The following FNDC3B variants were observed in gnomAD, a reference collection of about 807,000 sequenced individuals.
FNDC3B encodes fibronectin type III domain containing 3B.
A neutral mutation model predicts 151.5 loss-of-function variants in FNDC3B; 12 were observed. The observed-to-expected ratio is 0.08, with a 90% CI of 0.05 to 0.13. The LOEUF (loss-of-function observed/expected upper bound fraction) is 0.13, where lower values mean the gene tolerates loss of function less well. Among genes scored for constraint, FNDC3B ranks in the 10% least tolerant of loss-of-function variants. The probability of loss-of-function intolerance (pLI) is 1.00; values close to 1 mark genes in which losing one functional copy is unlikely to be tolerated. For missense variants in FNDC3B, 1,214 were observed against 1,505.3 expected, an observed-to-expected ratio of 0.81 and a Z score of 3.20; for synonymous variants, 528 against 549.0, an observed-to-expected ratio of 0.96 and a Z score of 0.54.
intron 2 of FNDC3B, among the ~76,000 whole-genome samples, chr3:172,131,629 T>C (rs9864938): frequency 0.57 from 87,086 of 152,000 alleles, 26,972 homozygotes; most frequent in East Asian, 0.78. Flanking sequence ...CCCTGAATGA[T>C]CCTGTTTTTT....
intron 1 of FNDC3B, among the ~76,000 whole-genome samples, chr3:172,048,944 C>T (rs916429910): frequency 3.9e-5 from 6 of 151,904 alleles, no homozygotes; most frequent in Non-Finnish European, 8.8e-5. Context: ...ATAGAGATTA[C>T]CAGGGCTTGG....
intron 22 of FNDC3B, 107 bp downstream of exon 22, chr3:172,353,190 A>C: frequency 9.2e-7 from 1 of 1,081,358 alleles, no homozygotes. Flanking sequence ...AGCTGTTTCT[A>C]AGAGCCCAGA....
chr3:172,230,883 T>C (rs1203849718), intron 4 of FNDC3B, among the ~76,000 whole-genome samples: 2 of 152,338 alleles, frequency 1.3e-5, no homozygotes, highest in East Asian at 3.9e-4. Context: ...ACATCTGCTT[T>C]GGAAAACAAT....
chr3:172,217,986 A>G (rs1157448389), intron 3 of FNDC3B, among the ~76,000 whole-genome samples: 1 of 152,118 alleles, frequency 6.6e-6, no homozygotes. Context: ...CTTGGTAGTG[A>G]TATACGTTAA....
intron 16 of FNDC3B, among the ~76,000 whole-genome samples, chr3:172,338,720 G>GGTTTTGTTTT (rs548549672): frequency 6.6e-6 from 1 of 152,020 alleles, no homozygotes; most frequent in Non-Finnish European, 1.5e-5. Context: ...TAACTATTAA[G>GGTTTTGTTTT]GTTTTGTTTT....
intron 16 of FNDC3B, among the ~76,000 whole-genome samples, chr3:172,340,836 G>A (rs1319601050): frequency 6.6e-6 from 1 of 152,054 alleles, no homozygotes; most frequent in East Asian, 1.9e-4. Context: ...CCATGCCAGC[G>A]GCACGTTTCA....
At chr3:172,329,965 A>G (rs1241663412) in intron 12 of FNDC3B, 1 of 152,234 alleles carries the variant, frequency 6.6e-6, no homozygotes, top group Non-Finnish European at 1.5e-5. Context: ...TTTGTTGCTC[A>G]CATTGATTTG....
At chr3:172,304,715 G>A (rs1159213728) in intron 9 of FNDC3B, among the ~76,000 whole-genome samples, 2 of 152,082 alleles carry the variant, frequency 1.3e-5, no homozygotes, top group African/African-American at 4.8e-5. Context: ...TGGCCAACGT[G>A]GTGAAACCCC....
intron 3 of FNDC3B, among the ~76,000 whole-genome samples, chr3:172,153,294 A>G (rs1722324087): frequency 6.6e-6 from 1 of 152,198 alleles, no homozygotes; most frequent in Non-Finnish European, 1.5e-5. Flanking sequence ...AGTCTCAAAG[A>G]TAGTATTCTG....
At chr3:172,351,347 C>CCACT (rs1733841353) in intron 21 of FNDC3B, among the ~76,000 whole-genome samples, 1 of 152,100 alleles carries the variant, frequency 6.6e-6, no homozygotes, top group Non-Finnish European at 1.5e-5. Context: ...AGTGCAAAGG[C>CCACT]CATGAGGAGG....
chr3:172,397,590 G>T lies in FNDC3B; in HGVS notation c.*115G>T. The T allele has an allele frequency of 1.8e-6, 1 of 545,500 alleles. No individual in the cohort carries two copies. The highest frequency in any genetic ancestry group is 2.9e-6 in the Non-Finnish European group (1 of 347,268). 33.8% of individuals were successfully genotyped at this position (545,500 alleles called of 1,614,324 possible). On this transcript the variant is annotated 3_prime_UTR_variant, in exon 26 of 26. Coordinates refer to ENST00000415807, the MANE Select transcript of FNDC3B (RefSeq NM_022763.4). ...TTTGATTTATATACTCTGTTTTACA[G>T]ATTTAGCTAGAAAAAAAATGTCAGT...
intron 2 of FNDC3B, 70 bp downstream of exon 2, chr3:172,112,660 A>G (rs1293181728): frequency 3.7e-6 from 4 of 1,075,654 alleles, no homozygotes; most frequent in Non-Finnish European, 4.3e-6. Context: ...TATTTGATTT[A>G]TTTTGGGATT....
chr3:172,374,170 G>A (rs1735011735), intron 23 of FNDC3B, among the ~76,000 whole-genome samples: 3 of 152,172 alleles, frequency 2.0e-5, no homozygotes, highest in African/African-American at 7.2e-5. Flanking sequence ...CACAGCTCAT[G>A]TCTGAGGCCA....
intron 3 of FNDC3B, chr3:172,184,393 A>AG (rs1724070075): frequency 6.6e-6 from 1 of 152,238 alleles, no homozygotes; most frequent in Non-Finnish European, 1.5e-5. Flanking sequence ...GGTAAGAGAG[A>AG]GGGAGGGTAT....
intron 3 of FNDC3B, among the ~76,000 whole-genome samples, chr3:172,146,427 G>C (rs1721909656): frequency 6.6e-6 from 1 of 152,228 alleles, no homozygotes; most frequent in Non-Finnish European, 1.5e-5. Flanking sequence ...ATGTAGGCTA[G>C]TTGTAGGGAA....
At chr3:172,313,325 T>A (rs1468533092) in intron 11 of FNDC3B, among the ~76,000 whole-genome samples, 5 of 152,192 alleles carry the variant, frequency 3.3e-5, no homozygotes, top group African/African-American at 4.8e-5. Context: ...TTAGGAAATA[T>A]GGGTTCTGTT....
intron 1 of FNDC3B, among the ~76,000 whole-genome samples, chr3:172,066,228 T>C (rs993965159): frequency 6.6e-6 from 1 of 152,168 alleles, no homozygotes; most frequent in African/African-American, 2.4e-5. Flanking sequence ...GGGTGTTCAA[T>C]ATGGGTGGGA....
At chr3:172,294,059 T>G (rs1730470060) in intron 7 of FNDC3B, among the ~76,000 whole-genome samples, 1 of 152,234 alleles carries the variant, frequency 6.6e-6, no homozygotes, top group African/African-American at 2.4e-5. Context: ...AGCAATAGAA[T>G]AGCCTTTAGA....
chr3:172,049,656 T>C (rs1252889184), intron 1 of FNDC3B, among the ~76,000 whole-genome samples: 2 of 152,044 alleles, frequency 1.3e-5, no homozygotes, highest in Admixed American at 6.6e-5. Context: ...GTCTCCCGAG[T>C]AGCTGAGATT....
Sources: gnomAD v4.1 joint callset for allele counts (sites outside exome capture counted in the v4.1 genomes callset) on GRCh38, gnomAD v4.1.1 for gene constraint, MANE v1.5 for transcripts, NCBI Gene and HGNC (gene_info 2026-07-23, HGNC 2026-07-21) for gene names.